CNTN4: variants seen among roughly 807,000 people sequenced by gnomAD.
CNTN4 encodes the protein contactin 4, also known as contactin-4.
CNTN4 carries 77 observed loss-of-function variants against 122.5 expected under a neutral mutation model. That is an observed-to-expected ratio of 0.63 (90% CI 0.52 to 0.76). The LOEUF is 0.76. CNTN4 is among the 30% of genes least tolerant of loss of function. The pLI is 0.00. For synonymous variants in CNTN4, 512 were observed against 447.0 expected (o/e 1.15, Z -1.83); for missense variants, 1,256 against 1,259.1 (o/e 1.00, Z 0.04).
intron 3 of CNTN4, among the ~76,000 whole-genome samples, chr3:2,425,342 T>G (rs2047782883): frequency 6.6e-6 from 1 of 152,084 alleles, no homozygotes; most frequent in African/African-American, 2.4e-5. Context: ...TTTCCCTATT[T>G]CTTGTTTTTG....
intron 14 of CNTN4, among the ~76,000 whole-genome samples, chr3:3,007,749 T>TA (rs1205185706): frequency 6.6e-6 from 1 of 152,150 alleles, no homozygotes; most frequent in Non-Finnish European, 1.5e-5. Flanking sequence ...GGGAGCAAGA[T>TA]AAAAGTAGGG....
At chr3:2,222,571 T>C (rs2039101737) in intron 2 of CNTN4, among the ~76,000 whole-genome samples, 1 of 152,142 alleles carries the variant, frequency 6.6e-6, no homozygotes, top group Non-Finnish European at 1.5e-5. Flanking sequence ...ACATGAATTG[T>C]ATACTTTGAA....
intron 4 of CNTN4, 110 bp from the exon 5 acceptor site, chr3:2,736,101 CCTTA>C: frequency 3.8e-6 from 4 of 1,056,040 alleles, no homozygotes; most frequent in Non-Finnish European, 5.9e-6. Context: ...GCCTGTTGTG[CCTTA>C]CTATTTTTTG....
chr3:2,796,788 T>C lies in CNTN4; in HGVS notation c.359-22698T>C, dbSNP rs538716021. 3.9e-5 allele frequency among the ~76,000 whole-genome samples: 6 copies of C among 152,362 alleles called. No individual in the cohort carries two copies. In the East Asian group the frequency reaches 5.8e-4, roughly 15 times the overall value. ...GGAAAGGTGACAACTAAGTTTGCAT[T>C]TATTTTTAGCTTCATCCTATTCTAT... On this transcript the variant is annotated intron_variant, in intron 6 of 24. Transcript: ENST00000418658.
Position 2,954,225 on chromosome 3 carries a change from T to G in CNTN4, c.1358+28446T>G, listed in dbSNP as rs182421509. 2.0e-3 allele frequency among the ~76,000 whole-genome samples: 302 copies of G among 152,274 alleles called. 1 individual carries two copies. Among genetic ancestry groups the G allele is most frequent in the African/African-American group, 6.7e-3 (280 of 41,558 alleles). The stretch of plus-strand genomic sequence containing the variant: ...CCTCTGACGCCTCTGCTTGATGTCC[T>G]TATGTCAGCCTGTCCTCAGGAGAGA... On this transcript the variant is annotated intron_variant, in intron 13 of 24. Coordinates refer to ENST00000418658, the MANE Select transcript of CNTN4 (RefSeq NM_175607.3).
At chr3:2,481,829 C>G (rs896413026) in intron 3 of CNTN4, among the ~76,000 whole-genome samples, 1 of 152,122 alleles carries the variant, frequency 6.6e-6, no homozygotes, top group Non-Finnish European at 1.5e-5. Flanking sequence ...AATGCTAGCA[C>G]TCATTCTCTC....
At chr3:2,820,496 G>A (rs1430221585) in intron 7 of CNTN4, among the ~76,000 whole-genome samples, 1 of 152,058 alleles carries the variant, frequency 6.6e-6, no homozygotes, top group Non-Finnish European at 1.5e-5. Flanking sequence ...GTGTAGGCAT[G>A]ATTGATCGAA....
At chr3:2,627,101 T>C (rs1457638619) in intron 4 of CNTN4, among the ~76,000 whole-genome samples, 1 of 152,216 alleles carries the variant, frequency 6.6e-6, no homozygotes, top group Non-Finnish European at 1.5e-5. Flanking sequence ...CTGGTTTGGC[T>C]GAAGTTGGGA....
intron 14 of CNTN4, chr3:3,009,149 G>A (rs1302096657): frequency 2.0e-6 from 1 of 491,672 alleles, no homozygotes; most frequent in Non-Finnish European, 2.6e-6. Flanking sequence ...TAGACTATAA[G>A]AGTTGACTAG....
chr3:2,566,396 C>G (rs1315286967), intron 3 of CNTN4, among the ~76,000 whole-genome samples: 2 of 152,096 alleles, frequency 1.3e-5, no homozygotes, highest in Non-Finnish European at 2.9e-5. Context: ...ATGCCTGACT[C>G]CCAGCCATGT....
chr3:2,361,091 G>A (rs2045116022), intron 3 of CNTN4, among the ~76,000 whole-genome samples: 1 of 152,128 alleles, frequency 6.6e-6, no homozygotes, highest in African/African-American at 2.4e-5. Context: ...TCATGGTCAT[G>A]ATATAAATTG....
intron 6 of CNTN4, among the ~76,000 whole-genome samples, chr3:2,785,022 C>T (rs973112541): frequency 2.6e-5 from 4 of 152,072 alleles, no homozygotes; most frequent in African/African-American, 9.7e-5. Context: ...GACACCCTAA[C>T]CCCCTGCAGT....
chr3:3,001,480 C>T (rs1381182231), intron 14 of CNTN4, among the ~76,000 whole-genome samples: 1 of 152,196 alleles, frequency 6.6e-6, no homozygotes, highest in African/African-American at 2.4e-5. Flanking sequence ...AAACTGGTAG[C>T]TCTCATGGCT....
chr3:3,021,719 A>C (rs1698309961), intron 14 of CNTN4, among the ~76,000 whole-genome samples: 1 of 152,224 alleles, frequency 6.6e-6, no homozygotes, highest in South Asian at 2.1e-4. Flanking sequence ...TTGGTAGGGT[A>C]TCAGGAAAGC....
At chr3:2,479,092 T>G (rs1264952287) in intron 3 of CNTN4, among the ~76,000 whole-genome samples, 1 of 152,208 alleles carries the variant, frequency 6.6e-6, no homozygotes, top group Non-Finnish European at 1.5e-5. Flanking sequence ...TCTGTCACTT[T>G]GGCACAGTCT....
intron 10 of CNTN4, among the ~76,000 whole-genome samples, chr3:2,888,226 G>T (rs529283832): frequency 1.3e-5 from 2 of 152,112 alleles, no homozygotes; most frequent in Non-Finnish European, 2.9e-5. Context: ...GCTAAGGGGG[G>T]GCCCAGAGTA....
Position 2,709,818 on chromosome 3 carries a change from C to G in CNTN4, c.56-26397C>G, listed in dbSNP as rs991615411. Among the ~76,000 whole-genome samples the G allele has an allele frequency of 6.6e-6, 1 of 151,830 alleles. No homozygotes were observed. The highest frequency in any genetic ancestry group is 1.5e-5 in the Non-Finnish European group (1 of 67,930). ...AGTCCCAGCTACTTGGGAGGCTGAGCCAGGAGAGCCCGGGAGTCCAGCAGT... is the reference window on the plus strand; with the variant it reads ...AGTCCCAGCTACTTGGGAGGCTGAGGCAGGAGAGCCCGGGAGTCCAGCAGT... On this transcript the variant is annotated intron_variant, in intron 4 of 24. Transcript: ENST00000418658. The surrounding 1 kb of genome is among the most constrained non-coding windows in gnomAD (Gnocchi z 5.0).
At chr3:2,361,516 A>G (rs940465552) in intron 3 of CNTN4, among the ~76,000 whole-genome samples, 1 of 152,178 alleles carries the variant, frequency 6.6e-6, no homozygotes, top group Non-Finnish European at 1.5e-5. Flanking sequence ...GCTCTGTACT[A>G]TACCCTGGGG....
In CNTN4 at chr3:2,854,922, G is replaced by A. The variant is rs1029520497; in HGVS notation, c.455-11830G>A. On this transcript the variant is annotated intron_variant, in intron 7 of 24. Coordinates refer to ENST00000418658, the MANE Select transcript of CNTN4 (RefSeq NM_175607.3). The stretch of plus-strand genomic sequence containing the variant: ...CTTCACAGAAATTGCTTAGCTTAAA[G>A]TAAGAAGACAGATTTTGATTATGCT... Among the ~76,000 whole-genome samples, 3 of 152,180 alleles carry A rather than the reference G, an allele frequency of 2.0e-5. No homozygotes were observed. The East Asian group carries it at 5.8e-4, about 29-fold the overall frequency.
Sources: allele counts gnomAD v4.1 joint callset (sites outside exome capture counted in the v4.1 genomes callset), GRCh38; gene constraint gnomAD v4.1.1; non-coding constraint Gnocchi (gnomAD v3.1); transcripts MANE v1.5; gene names NCBI Gene and HGNC (gene_info 2026-07-23, HGNC 2026-07-21).